MTUS2: variants seen among roughly 807,000 people sequenced by gnomAD.
MTUS2 encodes the protein microtubule associated scaffold protein 2.
A neutral mutation model predicts 114.1 loss-of-function variants in MTUS2; 40 were observed. That is an observed-to-expected ratio of 0.35 (90% CI 0.27 to 0.46). The LOEUF (loss-of-function observed/expected upper bound fraction) is 0.46, where lower values mean the gene tolerates loss of function less well. Among genes scored for constraint, MTUS2 ranks in the 20% least tolerant of loss-of-function variants. MTUS2 has a pLI of 1.00. For missense variants in MTUS2, 1,679 were observed against 1,705.4 expected (o/e 0.98, Z 0.27); for synonymous variants, 688 against 672.0 (o/e 1.02, Z -0.37).
At chr13:29,127,461 C>T (rs1891568257) in intron 5 of MTUS2, among the ~76,000 whole-genome samples, 1 of 152,090 alleles carries the variant, frequency 6.6e-6, no homozygotes, top group African/African-American at 2.4e-5. Flanking sequence ...CCTGGGTGAG[C>T]CTCATCCAAT....
At chr13:29,127,605 G>A (rs1891574360) in intron 5 of MTUS2, among the ~76,000 whole-genome samples, 1 of 152,142 alleles carries the variant, frequency 6.6e-6, no homozygotes, top group East Asian at 1.9e-4. Context: ...GGCTTTGTCA[G>A]CCCCCATAAT....
intron 2 of MTUS2, among the ~76,000 whole-genome samples, chr13:29,004,504 A>G (rs955953626): frequency 8.5e-5 from 13 of 152,232 alleles, no homozygotes; most frequent in African/African-American, 3.1e-4. Flanking sequence ...TTCTTGAAGT[A>G]TGGGATTTAT....
chr13:29,370,667 C>T (rs767413767), intron 8 of MTUS2, among the ~76,000 whole-genome samples: 6 of 152,128 alleles, frequency 3.9e-5, no homozygotes, highest in Non-Finnish European at 8.8e-5. Context: ...GACTTCCCAG[C>T]CTCCAGACTG....
chr13:28,906,139 C>T (rs935808839), intron 2 of MTUS2, among the ~76,000 whole-genome samples: 4 of 151,058 alleles, frequency 2.6e-5, no homozygotes, highest in Admixed American at 6.6e-5. Context: ...TTTGATTCTT[C>T]TCTGTTTTCT....
At chr13:28,872,709 C>T (rs1877694391) in intron 2 of MTUS2, among the ~76,000 whole-genome samples, 1 of 152,146 alleles carries the variant, frequency 6.6e-6, no homozygotes, top group Non-Finnish European at 1.5e-5. Context: ...ATTGCCTCCT[C>T]TCCCCGGGGA....
At chr13:28,936,036 C>G (rs1010595359) in intron 2 of MTUS2, among the ~76,000 whole-genome samples, 2 of 152,132 alleles carry the variant, frequency 1.3e-5, no homozygotes, top group Non-Finnish European at 2.9e-5. Context: ...TGTGAGCCAC[C>G]AGGCCTGGCC....
intron 1 of MTUS2, among the ~76,000 whole-genome samples, chr13:28,822,944 A>G (rs952933785): frequency 7.9e-5 from 12 of 152,220 alleles, no homozygotes; most frequent in Non-Finnish European, 1.6e-4. Context: ...CACTGAAATC[A>G]GGCACATACC....
Position 29,341,203 on chromosome 13 carries a change from T to C in MTUS2, c.2905+16492T>C, listed in dbSNP as rs1350893891. 3.3e-5 allele frequency among the ~76,000 whole-genome samples: 5 copies of C among 152,210 alleles called. No individual in the cohort carries two copies. In the East Asian group the frequency reaches 7.7e-4, roughly 23 times the overall value. ...GCTGGATTAAATGGTAGTTCTGTTTTTAGTTCTTTAAGGAGTCTCCACACT... is the reference window on the plus strand; with the variant it reads ...GCTGGATTAAATGGTAGTTCTGTTTCTAGTTCTTTAAGGAGTCTCCACACT... On this transcript the variant is annotated intron_variant, in intron 7 of 15. Transcript: ENST00000612955.
chr13:29,180,258 A>G (rs1274621872), intron 5 of MTUS2, among the ~76,000 whole-genome samples: 3 of 152,214 alleles, frequency 2.0e-5, no homozygotes, highest in Non-Finnish European at 4.4e-5. Flanking sequence ...ATCTTCCATG[A>G]AACATGCAAT....
intron 4 of MTUS2, among the ~76,000 whole-genome samples, chr13:29,040,948 C>T (rs1472024429): frequency 6.6e-6 from 1 of 152,082 alleles, no homozygotes; most frequent in Non-Finnish European, 1.5e-5. Context: ...TGTGCAGAAG[C>T]TTTTTAGTTG....
intron 8 of MTUS2, among the ~76,000 whole-genome samples, chr13:29,383,240 G>GTATATATATATATATATATTTATT: frequency 4.0e-5 from 1 of 25,078 alleles, no homozygotes; most frequent in Admixed American, 7.1e-4. Flanking sequence ...GTGTGTGTGT[G>GTATATATATATATATATATTTATT]TGTGTGTGTG....
chr13:28,891,218 T>C (rs1471258526), intron 2 of MTUS2, among the ~76,000 whole-genome samples: 1 of 152,200 alleles, frequency 6.6e-6, no homozygotes, highest in Non-Finnish European at 1.5e-5. Context: ...AGCCAATGTC[T>C]TCTCAGATGC....
intron 4 of MTUS2, among the ~76,000 whole-genome samples, chr13:29,098,479 T>TTCACAC (rs141445859): frequency 9.9e-5 from 15 of 150,764 alleles, no homozygotes; most frequent in East Asian, 1.9e-4. Context: ...TGTGCGTGCA[T>TTCACAC]GCACACACAC....
chr13:28,897,943 T>C (rs997000383), intron 2 of MTUS2, among the ~76,000 whole-genome samples: 7 of 151,514 alleles, frequency 4.6e-5, no homozygotes, highest in African/African-American at 9.7e-5. Context: ...GAGATATACC[T>C]AATGTTAAAT....
intron 6 of MTUS2, among the ~76,000 whole-genome samples, chr13:29,296,998 G>T (rs543128224): frequency 6.6e-6 from 1 of 152,200 alleles, no homozygotes; most frequent in East Asian, 1.9e-4. Context: ...TGCTTTTGAG[G>T]TATTCGCCAT....
intron 2 of MTUS2, among the ~76,000 whole-genome samples, chr13:28,848,057 A>G (rs1490216761): frequency 2.0e-5 from 3 of 152,016 alleles, no homozygotes; most frequent in South Asian, 2.1e-4. Context: ...CCCACACTCT[A>G]TGTTTTATCC....
At chr13:28,956,357 T>G (rs776234382) in intron 2 of MTUS2, among the ~76,000 whole-genome samples, 1 of 152,116 alleles carries the variant, frequency 6.6e-6, no homozygotes, top group Non-Finnish European at 1.5e-5. Flanking sequence ...TGCCACAGGT[T>G]GTAGATGGTG....
At chr13:29,300,378 G>A (rs1899146689) in intron 6 of MTUS2, among the ~76,000 whole-genome samples, 2 of 152,122 alleles carry the variant, frequency 1.3e-5, no homozygotes, top group Admixed American at 6.5e-5. Flanking sequence ...TGCCCACCCT[G>A]CTTGTCAGCC....
intron 1 of MTUS2, among the ~76,000 whole-genome samples, chr13:28,837,224 G>T (rs1875151461): frequency 6.6e-6 from 1 of 152,186 alleles, no homozygotes; most frequent in South Asian, 2.1e-4. Context: ...CCTCAGGGTG[G>T]TGTCCAGGAA....
Sources: gnomAD v4.1 joint callset for allele counts (sites outside exome capture counted in the v4.1 genomes callset) on GRCh38, gnomAD v4.1.1 for gene constraint, MANE v1.5 for transcripts, NCBI Gene and HGNC (gene_info 2026-07-23, HGNC 2026-07-21) for gene names.